Variants in WIF1 observed in about 807,000 individuals in gnomAD.
WIF1 encodes the protein Wnt inhibitory factor 1.
Under a neutral mutation model 53.5 loss-of-function variants are expected in WIF1, and 35 were observed. The observed-to-expected ratio is 0.65, with a 90% confidence interval of 0.50 to 0.87. The LOEUF (loss-of-function observed/expected upper bound fraction) is 0.87. Ranked by LOEUF, WIF1 falls within the 40% of genes least tolerant of loss-of-function variation. The pLI is 0.00. For synonymous variants in WIF1, 171 were observed against 170.4 expected, an observed-to-expected ratio of 1.00 and a Z score of -0.03; for missense variants, 467 against 476.8, an observed-to-expected ratio of 0.98 and a Z score of 0.19.
At chr12:65,110,667 A>G (rs1883416589) in intron 2 of WIF1, among the ~76,000 whole-genome samples, 1 of 83,868 alleles carries the variant, frequency 1.2e-5, no homozygotes, top group Non-Finnish European at 2.4e-5. Context: ...TCATAATGAG[A>G]CCTACCTCAC....
At chr12:65,072,169 T>C (rs6581605) in intron 3 of WIF1, among the ~76,000 whole-genome samples, 151,326 of 152,200 alleles carry the variant, frequency 0.99, 75,236 homozygotes, top group Middle Eastern at 1. Context: ...TTTTGTCAAC[T>C]CTGTGCTCTG....
chr12:65,083,798 T>TTTCCA, intron 2 of WIF1: 1 of 358,186 alleles, frequency 2.8e-6, no homozygotes, highest in Non-Finnish European at 5.4e-6. Flanking sequence ...TTTCCTTTCC[T>TTTCCA]TTCCTTTCCT....
At chr12:65,059,703 G>GTGCA (rs1882582190) in intron 7 of WIF1, among the ~76,000 whole-genome samples, 1 of 151,774 alleles carries the variant, frequency 6.6e-6, no homozygotes, top group Non-Finnish European at 1.5e-5. Flanking sequence ...CTAGGCTGGA[G>GTGCA]TGCAGTGGCT....
chr12:65,092,919 C>T (rs1883147741), intron 2 of WIF1, among the ~76,000 whole-genome samples: 1 of 152,060 alleles, frequency 6.6e-6, no homozygotes, highest in South Asian at 2.1e-4. Flanking sequence ...CTGCCTCTTA[C>T]CTCTGATCTC....
At chr12:65,071,280 G>A (rs1882770756) in intron 3 of WIF1, among the ~76,000 whole-genome samples, 1 of 149,380 alleles carries the variant, frequency 6.7e-6, no homozygotes, top group South Asian at 2.1e-4. Flanking sequence ...TGTGTGGTTT[G>A]CTAATATAAT....
chr12:65,052,218 A>C (rs1882451769), intron 9 of WIF1, among the ~76,000 whole-genome samples: 1 of 152,240 alleles, frequency 6.6e-6, no homozygotes, highest in Non-Finnish European at 1.5e-5. Context: ...CTTCTTGTGC[A>C]TCTGAGTTAA....
At chr12:65,078,504 C>T (rs1421310315) in intron 2 of WIF1, among the ~76,000 whole-genome samples, 1 of 152,148 alleles carries the variant, frequency 6.6e-6, no homozygotes, top group South Asian at 2.1e-4. Flanking sequence ...CTATTTTAAT[C>T]ATTCTTTAAT....
rs1454241693 is a variant in WIF1 at position 65,056,016 on chromosome 12, G to T, written c.922+15C>A. 6 of 1,611,830 alleles carry T rather than the reference G, an allele frequency of 3.7e-6. No individual in the cohort carries two copies. The highest frequency in any genetic ancestry group is 5.1e-6 in the Non-Finnish European group (6 of 1,178,566). On this transcript the variant is annotated intron_variant, in intron 8 of 9. Coordinates refer to ENST00000286574, the MANE Select transcript of WIF1 (RefSeq NM_007191.5). ...ACCTAGTAGCCCAGATTGGCAATGT[G>T]TATGGGGTACTTACGCTTTGAACAG...
intron 7 of WIF1, among the ~76,000 whole-genome samples, chr12:65,056,471 C>A (rs1193653109): frequency 7.0e-6 from 1 of 142,242 alleles, no homozygotes; most frequent in Non-Finnish European, 1.5e-5. Context: ...GTGATCCGCC[C>A]GCCTTGGCCT....
At chr12:65,084,223 T>C (rs952437904) in intron 2 of WIF1, among the ~76,000 whole-genome samples, 3 of 152,190 alleles carry the variant, frequency 2.0e-5, no homozygotes, top group Non-Finnish European at 4.4e-5. Flanking sequence ...ATATTGGCAT[T>C]TTTATAACAT....
chr12:65,064,538 T>C (rs1356064417), intron 6 of WIF1, among the ~76,000 whole-genome samples: 1 of 152,142 alleles, frequency 6.6e-6, no homozygotes, highest in African/African-American at 2.4e-5. Context: ...TTTCAGAGCC[T>C]CCACATATTC....
At chr12:65,120,330 A>G (rs1297336286) in intron 2 of WIF1, 87 bp downstream of exon 2, 9 of 1,335,800 alleles carry the variant, frequency 6.7e-6, no homozygotes, top group Non-Finnish European at 8.9e-6. Flanking sequence ...ATAACTGTAA[A>G]ATGTACCAGG....
intron 7 of WIF1, among the ~76,000 whole-genome samples, chr12:65,056,896 C>A (rs554419820): frequency 1.7e-4 from 26 of 152,100 alleles, no homozygotes; most frequent in Non-Finnish European, 3.4e-4. Flanking sequence ...GTGATCCCCC[C>A]ACCTCAACCT....
chr12:65,095,199 C>G (rs1258690323), intron 2 of WIF1, among the ~76,000 whole-genome samples: 2 of 151,844 alleles, frequency 1.3e-5, no homozygotes, highest in African/African-American at 4.8e-5. Flanking sequence ...CTCAGGCCCC[C>G]CAAAGTACTA....
Position 65,068,846 on chromosome 12 carries a change from C to T in WIF1, c.456G>A (p.Val152=). ...GKQDGVAAFE[V]DVIVMNSEGN... ...CTTCAGAATTCATAACAATCACATC[C>T]ACTTCAAATGCTGCCACCCCATCCT... is the stretch of plus-strand genomic sequence containing the variant. Residue 152 remains valine, a synonymous_variant, in exon 4 of 10, where the codon GTG becomes GTA. Coordinates refer to ENST00000286574, the MANE Select transcript of WIF1 (RefSeq NM_007191.5). The T allele has an allele frequency of 6.2e-7, 1 of 1,613,652 alleles. No homozygotes were observed. The highest frequency in any genetic ancestry group is 8.5e-7 in the Non-Finnish European group (1 of 1,179,720).
intron 7 of WIF1, among the ~76,000 whole-genome samples, 188 bp downstream of exon 7, chr12:65,062,293 A>T (rs1348783952): frequency 1.3e-5 from 2 of 152,080 alleles, no homozygotes; most frequent in African/African-American, 2.4e-5. Context: ...GAGCTGTGTC[A>T]CTCTTTGCCC....
At chr12:65,074,113 A>C (rs1882822546) in intron 3 of WIF1, among the ~76,000 whole-genome samples, 1 of 152,164 alleles carries the variant, frequency 6.6e-6, no homozygotes, top group African/African-American at 2.4e-5. Flanking sequence ...TCCTCACATC[A>C]TATGTTCAAA....
chr12:65,051,306 G>T lies in WIF1; in HGVS notation c.*43C>A. Reference sequence around the variant, plus strand: ...TTCAACACATGAAAGGTTAACAAAGGCTATGAACTTGGTGTAACTTAAAAC... The same window carrying T: ...TTCAACACATGAAAGGTTAACAAAGTCTATGAACTTGGTGTAACTTAAAAC... On this transcript the variant is annotated 3_prime_UTR_variant, in exon 10 of 10. Transcript: ENST00000286574. The T allele has an allele frequency of 6.3e-7, 1 of 1,592,936 alleles. No individual in the cohort carries two copies. The highest frequency in any genetic ancestry group is 8.6e-7 in the Non-Finnish European group (1 of 1,168,854).
intron 7 of WIF1, among the ~76,000 whole-genome samples, chr12:65,058,479 C>T (rs1164520177): frequency 6.6e-6 from 1 of 152,060 alleles, no homozygotes; most frequent in Non-Finnish European, 1.5e-5. Flanking sequence ...AGTGAGGACC[C>T]TTAGATTCAC....
Sources: allele counts gnomAD v4.1 joint callset (sites outside exome capture counted in the v4.1 genomes callset), GRCh38; gene constraint gnomAD v4.1.1; transcripts MANE v1.5; gene names NCBI Gene and HGNC (gene_info 2026-07-23, HGNC 2026-07-21).